The following HHIPL1 variants were observed in gnomAD, a reference collection of about 807,000 sequenced individuals.
The protein encoded by HHIPL1 is HHIP like 1.
A neutral mutation model predicts 61.8 loss-of-function variants in HHIPL1; 43 were observed. That is an observed-to-expected ratio of 0.70 (90% CI 0.55 to 0.90). The LOEUF is 0.90. HHIPL1 is among the 40% of genes least tolerant of loss of function. The pLI is 0.00. For missense variants in HHIPL1, 1,056 were observed against 1,157.7 expected, an observed-to-expected ratio of 0.91 and a Z score of 1.28; for synonymous variants, 482 against 515.8, an observed-to-expected ratio of 0.93 and a Z score of 0.89.
chr14:99,646,444 T>C (rs2055835023), intron 1 of HHIPL1, among the ~76,000 whole-genome samples: 1 of 152,234 alleles, frequency 6.6e-6, no homozygotes, highest in Non-Finnish European at 1.5e-5. Flanking sequence ...TTCCCCAGCT[T>C]CGTGACCTGG....
At chr14:99,672,974 C>T (rs1179511886) in intron 8 of HHIPL1, among the ~76,000 whole-genome samples, 2 of 152,208 alleles carry the variant, frequency 1.3e-5, no homozygotes, top group African/African-American at 4.8e-5. Flanking sequence ...GACACGTGCC[C>T]TGCCCTGGGG....
At chr14:99,629,478 C>T in the HHIPL1 span, among the ~76,000 whole-genome samples, 2 of 151,050 alleles carry the variant, frequency 1.3e-5, no homozygotes, top group Non-Finnish European at 3.0e-5. Flanking sequence ...AGGAGGGACC[C>T]GTGTTCACTG....
chr14:99,605,089 C>T, the HHIPL1 span, among the ~76,000 whole-genome samples: 1 of 152,222 alleles, frequency 6.6e-6, no homozygotes, highest in Non-Finnish European at 1.5e-5. Flanking sequence ...GAACCTGCCC[C>T]CTGCCCGGAG....
the HHIPL1 span, among the ~76,000 whole-genome samples, chr14:99,636,435 C>T: frequency 6.6e-6 from 1 of 152,174 alleles, no homozygotes; most frequent in Non-Finnish European, 1.5e-5. Flanking sequence ...AATAAATGCC[C>T]ATTTCTGTCT....
Position 99,675,272 on chromosome 14 carries a change from C to T in HHIPL1, c.1995C>T (p.Ser665=), listed in dbSNP as rs2056375122. The part of the protein sequence containing the change: ...GRRRGRLNSA[S]RAFRDGEVRL... Reference sequence around the variant, plus strand: ...GGCGGGGGCGGCTGAACTCGGCGAGCCGGGCGTTCCGGGATGGCGAGGTGC... The same window carrying T: ...GGCGGGGGCGGCTGAACTCGGCGAGTCGGGCGTTCCGGGATGGCGAGGTGC... The change falls in exon 9 of 9, where the codon AGC becomes AGT. Residue 665 remains serine, a synonymous_variant. Transcript: ENST00000330710. The surrounding 1 kb of genome is among the most constrained non-coding windows in gnomAD (Gnocchi z 5.4). The T allele has an allele frequency of 1.6e-6, 2 of 1,252,992 alleles. No individual in the cohort carries two copies. Among genetic ancestry groups the T allele is most frequent in the Non-Finnish European group, 2.0e-6 (2 of 999,804 alleles). The allele number at this position is 1,252,992 out of a possible 1,614,324, so 77.6% of individuals were successfully genotyped here. A position where few individuals can be genotyped will look rare whatever the true frequency, so the allele number is the denominator to read the frequency against.
the HHIPL1 span, among the ~76,000 whole-genome samples, chr14:99,619,416 C>T: frequency 1.3e-5 from 2 of 149,882 alleles, no homozygotes; most frequent in East Asian, 2.0e-4. Context: ...GGGCCGAGAT[C>T]GCACTGTTGC....
Position 99,668,115 on chromosome 14 carries a change from G to C in HHIPL1, c.1649-107G>C, listed in dbSNP as rs114793541. On this transcript the variant is annotated intron_variant, in intron 6 of 8. Coordinates refer to ENST00000330710, the MANE Select transcript of HHIPL1 (RefSeq NM_001127258.3). The surrounding 1 kb of genome is among the most constrained non-coding windows in gnomAD (Gnocchi z 4.7). ...GGATGCCTCACGTGATGGCTAGCTG[G>C]GGTTGGGGTCTATTTCCAAGCCTGC... 7.3e-4 allele frequency: 545 copies of C among 750,150 alleles called. 1 individual carries two copies. The African/African-American group carries it at 8.0e-3, about 11-fold the overall frequency. The allele number at this position is 750,150 out of a possible 1,614,324, so 46.5% of individuals were successfully genotyped here.
At chr14:99,605,701 G>A in the HHIPL1 span, among the ~76,000 whole-genome samples, 1 of 152,264 alleles carries the variant, frequency 6.6e-6, no homozygotes, top group Admixed American at 6.5e-5. Flanking sequence ...TCGAGCTGCT[G>A]TCATAGAAAG....
chr14:99,672,679 A>G (rs530067391), intron 8 of HHIPL1, among the ~76,000 whole-genome samples: 1 of 152,348 alleles, frequency 6.6e-6, no homozygotes, highest in African/African-American at 2.4e-5. Flanking sequence ...GGGACAGAGA[A>G]AGAGGATGTA....
At chr14:99,640,267 T>A (rs962883690), upstream of HHIPL1, among the ~76,000 whole-genome samples, 5 of 152,186 alleles carry the variant, frequency 3.3e-5, no homozygotes, top group African/African-American at 1.2e-4. Context: ...GTTTATGTGG[T>A]TTTTAAAACT....
the HHIPL1 span, among the ~76,000 whole-genome samples, chr14:99,618,096 G>A: frequency 6.6e-6 from 1 of 152,206 alleles, no homozygotes; most frequent in South Asian, 2.1e-4. Context: ...CCCTTCCCTT[G>A]ACTGTACCAT....
chr14:99,617,363 G>C, the HHIPL1 span, among the ~76,000 whole-genome samples: 2 of 152,266 alleles, frequency 1.3e-5, no homozygotes, highest in African/African-American at 4.8e-5. Context: ...GAGTGGGAGG[G>C]TTTCAGAGAG....
At position 99,668,908 on chromosome 14, in the gene HHIPL1, A is replaced by G. The variant is rs1009192572; in HGVS notation, c.1730+605A>G. ...CAGCTCATTGACGTCTCAGCCGTTC[A>G]TTTTACAGTGGTGGAAATGAGCACA... On this transcript the variant is annotated intron_variant, in intron 7 of 8. Coordinates refer to ENST00000330710, the MANE Select transcript of HHIPL1 (RefSeq NM_001127258.3). The surrounding 1 kb of genome is among the most constrained non-coding windows in gnomAD (Gnocchi z 4.7). 3.1e-6 allele frequency: 5 copies of G among 1,613,626 alleles called. No individual in the cohort carries two copies. The highest frequency in any genetic ancestry group is 4.2e-6 in the Non-Finnish European group (5 of 1,179,662).
chr14:99,659,713 G>T lies in HHIPL1; in HGVS notation c.1332G>T (p.Gly444=), dbSNP rs1595159299. The change falls in exon 4 of 9, where the codon GGG becomes GGT. Residue 444 remains glycine, a synonymous_variant. Transcript: ENST00000330710. The part of the protein sequence containing the change: ...GGNYGWRARE[G]FECYDRSLCA... ...ACTATGGCTGGCGCGCGCGCGAAGG[G>T]TTCGAGTGCTACGACCGCAGCCTGT... 1.3e-6 allele frequency: 2 copies of T among 1,483,502 alleles called. No homozygotes were observed. The allele number at this position is 1,483,502 out of a possible 1,614,324, so 91.9% of individuals were successfully genotyped here.
At chr14:99,634,232 T>C in the HHIPL1 span, among the ~76,000 whole-genome samples, 1 of 151,974 alleles carries the variant, frequency 6.6e-6, no homozygotes, top group Non-Finnish European at 1.5e-5. Context: ...GCACTTCTAT[T>C]GAGGCTGGGG....
rs1164081509 is a variant in HHIPL1 at position 99,657,817 on chromosome 14, GCA to G, written c.1046+683_1046+684del. Among the ~76,000 whole-genome samples, 13 of 150,920 alleles carry G rather than the reference GCA, an allele frequency of 8.6e-5. 1 individual carries two copies. In the East Asian group the frequency reaches 9.7e-4, roughly 11 times the overall value. On this transcript the variant is annotated intron_variant, in intron 3 of 8. Coordinates refer to ENST00000330710, the MANE Select transcript of HHIPL1 (RefSeq NM_001127258.3). ...CACATATACACACATACATATGCAT[GCA>G]CACACACATTCACATATGCACATAC...
chr14:99,660,220 C>T lies in HHIPL1; in HGVS notation c.1376-60C>T. 1.2e-6 allele frequency: 2 copies of T among 1,607,246 alleles called. No individual in the cohort carries two copies. The highest frequency in any genetic ancestry group is 1.7e-6 in the Non-Finnish European group (2 of 1,177,082). ...CCCGCGGAATCCCTCCGGAATTCTCCTGGCTGATGAACCTTCCCGCCGCTG... is the reference window on the plus strand; with the variant it reads ...CCCGCGGAATCCCTCCGGAATTCTCTTGGCTGATGAACCTTCCCGCCGCTG... On this transcript the variant is annotated intron_variant, in intron 4 of 8. Transcript: ENST00000330710. This position sits in a 1 kb window ranked among gnomAD's most constrained non-coding sequence, Gnocchi z 4.9.
the HHIPL1 span, among the ~76,000 whole-genome samples, chr14:99,628,128 C>T: frequency 1.3e-5 from 2 of 152,180 alleles, no homozygotes; most frequent in Non-Finnish European, 2.9e-5. Flanking sequence ...TGAGACCTGC[C>T]AAGGTCCTAA....
At chr14:99,658,971 T>C (rs1052450712) in intron 3 of HHIPL1, among the ~76,000 whole-genome samples, 4 of 152,130 alleles carry the variant, frequency 2.6e-5, no homozygotes, top group African/African-American at 7.2e-5. Flanking sequence ...ACTCTACTAT[T>C]ACAGTTGAGG....
Sources: gnomAD v4.1 joint callset for allele counts (sites outside exome capture counted in the v4.1 genomes callset) on GRCh38, gnomAD v4.1.1 for gene constraint, Gnocchi (gnomAD v3.1) non-coding constraint, MANE v1.5 for transcripts, NCBI Gene and HGNC (gene_info 2026-07-23, HGNC 2026-07-21) for gene names.